NLGN1: variants seen among roughly 807,000 people sequenced by gnomAD.
NLGN1 encodes the protein neuroligin 1.
NLGN1 carries 12 observed loss-of-function variants against 65.5 expected under a neutral mutation model. The observed-to-expected ratio is 0.18, with a 90% CI of 0.12 to 0.30. The LOEUF is 0.30. Among genes scored for constraint, NLGN1 ranks in the 10% least tolerant of loss-of-function variants. NLGN1 has a pLI of 1.00. For missense variants in NLGN1, 750 were observed against 1,007.1 expected, an observed-to-expected ratio of 0.74 and a Z score of 3.46; for synonymous variants, 350 against 359.5, an observed-to-expected ratio of 0.97 and a Z score of 0.30.
At chr3:174,127,601 A>G (rs1256485048) in intron 4 of NLGN1, among the ~76,000 whole-genome samples, 1 of 152,008 alleles carries the variant, frequency 6.6e-6, no homozygotes, top group Non-Finnish European at 1.5e-5. Context: ...CACCCTCCCC[A>G]TGCATCCTGC....
At chr3:173,675,883 T>A (rs1173135652) in intron 3 of NLGN1, among the ~76,000 whole-genome samples, 1 of 132,878 alleles carries the variant, frequency 7.5e-6, no homozygotes, top group South Asian at 2.4e-4. Flanking sequence ...TCTCTCTCTC[T>A]CTCTCACACA....
chr3:173,517,717 T>C (rs1179220503), intron 2 of NLGN1, among the ~76,000 whole-genome samples: 1 of 152,060 alleles, frequency 6.6e-6, no homozygotes, highest in Non-Finnish European at 1.5e-5. Flanking sequence ...GTCAGCAGCA[T>C]AATGCACTTT....
intron 4 of NLGN1, among the ~76,000 whole-genome samples, chr3:173,881,977 A>G (rs917763235): frequency 6.6e-6 from 1 of 152,202 alleles, no homozygotes; most frequent in Non-Finnish European, 1.5e-5. Flanking sequence ...TATTTCTTAA[A>G]TAATAAGACT....
At chr3:173,407,208 G>T (rs1423534232) in intron 1 of NLGN1, among the ~76,000 whole-genome samples, 1 of 152,026 alleles carries the variant, frequency 6.6e-6, no homozygotes, top group Non-Finnish European at 1.5e-5. Flanking sequence ...CACATTTTTT[G>T]ACCTAAGGTG....
At chr3:174,241,332 T>G (rs1335862988) in intron 4 of NLGN1, among the ~76,000 whole-genome samples, 3 of 152,072 alleles carry the variant, frequency 2.0e-5, no homozygotes, top group African/African-American at 7.2e-5. Flanking sequence ...TAAATTTTAT[T>G]GAGTGTACTG....
intron 2 of NLGN1, among the ~76,000 whole-genome samples, chr3:173,473,828 C>T (rs1337004836): frequency 6.6e-6 from 1 of 152,198 alleles, no homozygotes; most frequent in East Asian, 1.9e-4. Context: ...CTTCTGTGTG[C>T]ACTACAGCTG....
chr3:173,843,511 T>G (rs997521070), intron 4 of NLGN1, among the ~76,000 whole-genome samples: 1 of 152,228 alleles, frequency 6.6e-6, no homozygotes, highest in African/African-American at 2.4e-5. Flanking sequence ...TCTTGAATGC[T>G]TTGGTGCTTA....
At chr3:173,726,735 C>G (rs1447097589) in intron 3 of NLGN1, among the ~76,000 whole-genome samples, 2 of 151,934 alleles carry the variant, frequency 1.3e-5, no homozygotes, top group Admixed American at 6.6e-5. Flanking sequence ...TTTTACCTTT[C>G]TTTATAAAGT....
At chr3:173,671,166 T>C (rs1762395427) in intron 3 of NLGN1, among the ~76,000 whole-genome samples, 1 of 152,124 alleles carries the variant, frequency 6.6e-6, no homozygotes, top group Non-Finnish European at 1.5e-5. Flanking sequence ...TCTGAGCAAT[T>C]AGAAGAAGTA....
intron 2 of NLGN1, among the ~76,000 whole-genome samples, chr3:173,451,841 C>T (rs145160230): frequency 3.3e-5 from 5 of 152,262 alleles, no homozygotes; most frequent in African/African-American, 4.8e-5. Flanking sequence ...GCTCCGTGGG[C>T]GTAGGACCCT....
At position 174,047,259 on chromosome 3, in the gene NLGN1, A is replaced by G. The variant is rs555589303; in HGVS notation, c.647-228056A>G. Reference sequence around the variant, plus strand: ...ATTTTTATAAAGTGTACATTTTTCTATTTTCCACAAGTTAGTGAAAAGACA... The same window carrying G: ...ATTTTTATAAAGTGTACATTTTTCTGTTTTCCACAAGTTAGTGAAAAGACA... On this transcript the variant is annotated intron_variant, in intron 4 of 6. Coordinates refer to ENST00000457714, the Ensembl canonical transcript of NLGN1. Among the ~76,000 whole-genome samples, 36 of 152,004 alleles carry G rather than the reference A, an allele frequency of 2.4e-4. No individual in the cohort carries two copies. The South Asian group carries it at 5.2e-3, about 22-fold the overall frequency.
At chr3:174,137,883 C>T (rs1182432030) in intron 4 of NLGN1, among the ~76,000 whole-genome samples, 1 of 152,108 alleles carries the variant, frequency 6.6e-6, no homozygotes, top group Non-Finnish European at 1.5e-5. Flanking sequence ...ACTTTATTTG[C>T]ACATATGGTG....
At chr3:173,515,438 C>T (rs1156740819) in intron 2 of NLGN1, among the ~76,000 whole-genome samples, 1 of 152,022 alleles carries the variant, frequency 6.6e-6, no homozygotes, top group East Asian at 1.9e-4. Context: ...ATGTAGGTTG[C>T]TTTTTCACTC....
At chr3:174,227,031 A>T (rs1739842885) in intron 4 of NLGN1, among the ~76,000 whole-genome samples, 1 of 152,218 alleles carries the variant, frequency 6.6e-6, no homozygotes, top group Non-Finnish European at 1.5e-5. Context: ...ACATAATTTT[A>T]GGCCTGGTCT....
intron 4 of NLGN1, among the ~76,000 whole-genome samples, chr3:174,123,299 G>A (rs9862758): frequency 0.27 from 40,683 of 151,942 alleles, 7,147 homozygotes; most frequent in African/African-American, 0.51. Context: ...TGTTGCTGGT[G>A]AATTACAAAA....
chr3:173,884,252 G>A (rs1253751503), intron 4 of NLGN1, among the ~76,000 whole-genome samples: 16 of 152,088 alleles, frequency 1.1e-4, no homozygotes. Context: ...AAAATAAAAA[G>A]TAAGCCAGAA....
At chr3:173,620,949 G>C (rs778276462) in intron 3 of NLGN1, among the ~76,000 whole-genome samples, 9 of 152,090 alleles carry the variant, frequency 5.9e-5, no homozygotes, top group Non-Finnish European at 1.3e-4. Flanking sequence ...TAAATGACTA[G>C]ACAAATGAAC....
At chr3:173,861,378 A>T (rs1473682912) in intron 4 of NLGN1, among the ~76,000 whole-genome samples, 1 of 152,020 alleles carries the variant, frequency 6.6e-6, no homozygotes, top group Non-Finnish European at 1.5e-5. Flanking sequence ...AATGATAATA[A>T]AGCAAAAGAA....
At chr3:174,140,206 A>T (rs1240185434) in intron 4 of NLGN1, among the ~76,000 whole-genome samples, 1 of 151,850 alleles carries the variant, frequency 6.6e-6, no homozygotes. Flanking sequence ...TTCATCTGTG[A>T]TTTTTTTTGC....
Sources: allele counts gnomAD v4.1 joint callset (sites outside exome capture counted in the v4.1 genomes callset), GRCh38; gene constraint gnomAD v4.1.1; transcripts MANE v1.5; gene names NCBI Gene and HGNC (gene_info 2026-07-23, HGNC 2026-07-21).